SRGAP3: variants seen among roughly 807,000 people sequenced by gnomAD.
SRGAP3 encodes SLIT-ROBO Rho GTPase activating protein 3.
Under a neutral mutation model 121.1 loss-of-function variants are expected in SRGAP3, and 39 were observed. That is an observed-to-expected ratio of 0.32 (90% CI 0.25 to 0.42). The LOEUF is 0.42. SRGAP3 is among the 10% of genes least tolerant of loss of function. The probability of loss-of-function intolerance (pLI) is 1.00; values close to 1 mark genes in which losing one functional copy is unlikely to be tolerated. For synonymous variants in SRGAP3, 601 were observed against 570.0 expected, an observed-to-expected ratio of 1.05 and a Z score of -0.77; for missense variants, 1,213 against 1,470.6, an observed-to-expected ratio of 0.82 and a Z score of 2.86.
rs1574947886 is a variant in SRGAP3, at chr3:9,256,964, G to A, written n.442+69046C>T. 2.5e-5 allele frequency: 10 copies of A among 397,554 alleles called. No homozygotes were observed. The East Asian group carries it at 3.6e-4, about 14-fold the overall frequency. 24.6% of individuals were successfully genotyped at this position (397,554 alleles called of 1,614,324 possible). A position where few individuals can be genotyped will look rare whatever the true frequency, so the allele number is the denominator to read the frequency against. ...TAAACCCTGGCTCCACCACTGATAA[G>A]CTGTGTGACCTTGGGCAAGTTGTTA... On this transcript the variant is annotated intron_variant and non_coding_transcript_variant, in intron 3 of 3. Coordinates refer to the SRGAP3 transcript ENST00000490889.
intron 1 of SRGAP3, among the ~76,000 whole-genome samples, chr3:9,213,099 C>A (rs193151316): frequency 6.6e-6 from 1 of 152,294 alleles, no homozygotes; most frequent in East Asian, 1.9e-4. Flanking sequence ...TAGGGGACAA[C>A]CTCCATAGCC....
At chr3:9,362,346 T>A (rs1292371003) in intron 1 of SRGAP3, among the ~76,000 whole-genome samples, 1 of 151,024 alleles carries the variant, frequency 6.6e-6, no homozygotes, top group Non-Finnish European at 1.5e-5. Context: ...GTATTTTTAG[T>A]AGAGATGGAG....
chr3:9,082,587 CCT>C (rs1947294050), intron 3 of SRGAP3, among the ~76,000 whole-genome samples: 1 of 152,224 alleles, frequency 6.6e-6, no homozygotes, highest in South Asian at 2.1e-4. Context: ...AGACATTCTC[CCT>C]GTTTGCCAAG....
At chr3:9,041,000 T>C (rs1944984465) in intron 10 of SRGAP3, among the ~76,000 whole-genome samples, 1 of 152,194 alleles carries the variant, frequency 6.6e-6, no homozygotes, top group Admixed American at 6.5e-5. Flanking sequence ...GCACAAAGTA[T>C]ATGCTCAACA....
At chr3:9,053,743 T>G (rs1945693580) in intron 8 of SRGAP3, among the ~76,000 whole-genome samples, 1 of 152,170 alleles carries the variant, frequency 6.6e-6, no homozygotes, top group South Asian at 2.1e-4. Context: ...AAAGGAAAAC[T>G]CCAGGAAGAC....
At chr3:9,129,468 C>CAAAAAA (rs750384100) in intron 1 of SRGAP3, among the ~76,000 whole-genome samples, 1 of 69,004 alleles carries the variant, frequency 1.4e-5, no homozygotes, top group Non-Finnish European at 3.3e-5. Flanking sequence ...GGTAGGTAAG[C>CAAAAAA]AAAAAAAAAA....
chr3:9,160,358 AG>A (rs1447307186), intron 1 of SRGAP3, among the ~76,000 whole-genome samples: 3 of 152,174 alleles, frequency 2.0e-5, no homozygotes, highest in Non-Finnish European at 4.4e-5. Context: ...AGGTCATACA[AG>A]GCATTGTGGA....
chr3:9,254,959 AAAG>A (rs1954098903), intron 3 of SRGAP3, among the ~76,000 whole-genome samples: 1 of 148,858 alleles, frequency 6.7e-6, no homozygotes, highest in Admixed American at 6.7e-5. Flanking sequence ...AAGAAAGAGA[AAAG>A]AAAGAAAGGG....
intron 3 of SRGAP3, among the ~76,000 whole-genome samples, chr3:9,288,278 C>T (rs1252025592): frequency 6.6e-6 from 1 of 151,702 alleles, no homozygotes; most frequent in South Asian, 2.1e-4. Context: ...GCTAGGATTA[C>T]AGGCACACAC....
rs1387172654 is a variant in SRGAP3 at position 9,341,269 on chromosome 3, G to A, written n.215-10673C>T. ...AGCAGTGGGCTAGAGAGAGCAGCACGATGTGGACACTGAAGGTTCCTAGAA... is the reference window on the plus strand; with the variant it reads ...AGCAGTGGGCTAGAGAGAGCAGCACAATGTGGACACTGAAGGTTCCTAGAA... On this transcript the variant is annotated intron_variant and non_coding_transcript_variant, in intron 1 of 3. Coordinates refer to the SRGAP3 transcript ENST00000490889. 4.7e-5 allele frequency among the ~76,000 whole-genome samples: 7 copies of A among 149,614 alleles called. No individual in the cohort carries two copies. In the East Asian group the frequency reaches 9.7e-4, roughly 21 times the overall value.
chr3:9,104,981 G>C (rs540304319), intron 2 of SRGAP3, 139 bp from the exon 3 acceptor site: 1 of 1,052,336 alleles, frequency 9.5e-7, no homozygotes, highest in Non-Finnish European at 1.4e-6. Flanking sequence ...TTATACAGTT[G>C]GGGAAACAGG....
intron 13 of SRGAP3, among the ~76,000 whole-genome samples, chr3:9,025,650 A>G (rs1944161066): frequency 6.6e-6 from 1 of 152,230 alleles, no homozygotes; most frequent in Non-Finnish European, 1.5e-5. Context: ...AAGAAGAGCT[A>G]GACTCCAGAG....
At chr3:8,992,514 G>A (rs1044303924) in intron 20 of SRGAP3, 11 of 376,532 alleles carry the variant, frequency 2.9e-5, no homozygotes, top group Admixed American at 1.6e-4. Context: ...TATGTAGCGC[G>A]TTTCAGGGAA....
At chr3:9,189,792 G>A (rs1008327311) in intron 1 of SRGAP3, among the ~76,000 whole-genome samples, 7 of 152,118 alleles carry the variant, frequency 4.6e-5, no homozygotes, top group African/African-American at 1.7e-4. Flanking sequence ...GCCAAATTAA[G>A]GCCTTAAAGG....
chr3:9,344,685 T>A (rs1415282141), intron 1 of SRGAP3, among the ~76,000 whole-genome samples: 1 of 151,680 alleles, frequency 6.6e-6, no homozygotes, highest in Non-Finnish European at 1.5e-5. Context: ...TTTTATCCAA[T>A]GGAAATAGCA....
chr3:9,108,306 T>C (rs994507799), intron 2 of SRGAP3, among the ~76,000 whole-genome samples: 4 of 152,164 alleles, frequency 2.6e-5, no homozygotes, highest in East Asian at 1.9e-4. Flanking sequence ...AAGATTCTAA[T>C]GTGCAGCCAG....
At chr3:9,343,254 C>A (rs1189248515) in intron 1 of SRGAP3, among the ~76,000 whole-genome samples, 2 of 152,242 alleles carry the variant, frequency 1.3e-5, no homozygotes, top group Admixed American at 6.5e-5. Context: ...AAGAATCATG[C>A]TGGCTCTTTG....
chr3:9,150,445 G>A (rs192237895), intron 1 of SRGAP3, among the ~76,000 whole-genome samples: 21 of 151,960 alleles, frequency 1.4e-4, no homozygotes, highest in South Asian at 6.3e-4. Flanking sequence ...AGTTAAACCC[G>A]GAAGAGATCA....
At chr3:9,075,650 T>C (rs1458201171) in intron 4 of SRGAP3, among the ~76,000 whole-genome samples, 1 of 152,174 alleles carries the variant, frequency 6.6e-6, no homozygotes, top group Non-Finnish European at 1.5e-5. Context: ...CATTATACCC[T>C]GTAGGACCCC....
Sources: gnomAD v4.1 joint callset for allele counts (sites outside exome capture counted in the v4.1 genomes callset) on GRCh38, gnomAD v4.1.1 for gene constraint, MANE v1.5 for transcripts, NCBI Gene and HGNC (gene_info 2026-07-23, HGNC 2026-07-21) for gene names.